KRABD1: variants seen among roughly 807,000 people sequenced by gnomAD.
KRABD1 encodes KRAB domain containing 1.
chr3:42,941,489 G>A, the KRABD1 span: 1 of 918,874 alleles, frequency 1.1e-6, no homozygotes, highest in Non-Finnish European at 1.6e-6. Context: ...CTTGCGAAAG[G>A]CTTTCCTTCT....
the KRABD1 span, chr3:42,938,530 A>G: frequency 3.5e-5 from 7 of 197,194 alleles, no homozygotes; most frequent in Admixed American, 3.1e-4. Flanking sequence ...TAGAATTCCA[A>G]CTTTCTTTTC....
the KRABD1 span, chr3:42,941,169 A>G: frequency 6.6e-7 from 1 of 1,511,128 alleles, no homozygotes; most frequent in Non-Finnish European, 8.9e-7. Flanking sequence ...TCTCATTGGC[A>G]GATTTGACCA....
At chr3:42,941,272 A>T in the KRABD1 span, 10 of 1,590,698 alleles carry the variant, frequency 6.3e-6, no homozygotes, top group African/African-American at 1.1e-4. Context: ...ACTACGAAGG[A>T]ATGGGCCATC....
the KRABD1 span, chr3:42,941,867 A>G: frequency 1.3e-6 from 1 of 768,474 alleles, no homozygotes; most frequent in East Asian, 2.7e-5. Flanking sequence ...TACTCTCCTC[A>G]CCTCCCTTGC....
At chr3:42,942,575 A>G in the KRABD1 span, 1 of 1,427,504 alleles carries the variant, frequency 7.0e-7, no homozygotes, top group Non-Finnish European at 9.3e-7. Context: ...ACTTAGCTAA[A>G]GCAGTGTTAC....
At chr3:42,941,079 A>G in the KRABD1 span, 1 of 601,348 alleles carries the variant, frequency 1.7e-6, no homozygotes, top group Non-Finnish European at 2.6e-6. Context: ...CTCCACACCT[A>G]AATTTTACAC....
the KRABD1 span, chr3:42,938,962 T>A: frequency 1.7e-5 from 25 of 1,505,394 alleles, no homozygotes; most frequent in South Asian, 6.1e-5. Context: ...TCTGTACATA[T>A]CCCTGTGTGT....
At chr3:42,940,284 ATATGTCTGTG>A in the KRABD1 span, among the ~76,000 whole-genome samples, 1 of 152,194 alleles carries the variant, frequency 6.6e-6, no homozygotes, top group African/African-American at 2.4e-5. Flanking sequence ...TGGTGAACAT[ATATGTCTGTG>A]TCTGTTTTTA....
chr3:42,939,644 T>G, the KRABD1 span, among the ~76,000 whole-genome samples: 3 of 152,152 alleles, frequency 2.0e-5, no homozygotes, highest in Non-Finnish European at 4.4e-5. Context: ...GCCCAACAAT[T>G]TTCCAAAATG....
the KRABD1 span, chr3:42,938,249 C>T: frequency 6.6e-6 from 1 of 152,200 alleles, no homozygotes; most frequent in Admixed American, 6.5e-5. Context: ...CCACTCCAAA[C>T]ACCTTTATAA....
At chr3:42,938,896 A>G in the KRABD1 span, 1 of 1,532,480 alleles carries the variant, frequency 6.5e-7, no homozygotes, top group Non-Finnish European at 8.7e-7. Flanking sequence ...AAGAGGTCAG[A>G]TGATGACAGC....
chr3:42,942,754 G>A, the KRABD1 span: 4 of 405,026 alleles, frequency 9.9e-6, no homozygotes, highest in Non-Finnish European at 1.7e-5. Context: ...TAGATTTAAT[G>A]TTTTTCATTC....
At chr3:42,942,600 A>C in the KRABD1 span, 1 of 1,449,972 alleles carries the variant, frequency 6.9e-7, no homozygotes. Context: ...AATAGTATCA[A>C]AAATTTTTCG....
At chr3:42,939,767 C>A in the KRABD1 span, among the ~76,000 whole-genome samples, 2 of 152,146 alleles carry the variant, frequency 1.3e-5, no homozygotes, top group African/African-American at 4.8e-5. Context: ...CTTCTCATCT[C>A]TAGTAAGCAG....
chr3:42,940,742 C>T, the KRABD1 span, among the ~76,000 whole-genome samples: 2 of 152,080 alleles, frequency 1.3e-5, no homozygotes, highest in African/African-American at 2.4e-5. Context: ...GAGCTTTGTG[C>T]TTGGGGTAGT....
At chr3:42,940,376 G>A in the KRABD1 span, among the ~76,000 whole-genome samples, 1 of 152,166 alleles carries the variant, frequency 6.6e-6, no homozygotes, top group Non-Finnish European at 1.5e-5. Flanking sequence ...CTGTTGGTGA[G>A]TTACATGGAA....
At chr3:42,938,951 C>T in the KRABD1 span, 5 of 1,524,354 alleles carry the variant, frequency 3.3e-6, no homozygotes, top group African/African-American at 4.1e-5. Context: ...TTTTTTCTAT[C>T]TCTGTACATA....
At chr3:42,939,192 C>T in the KRABD1 span, among the ~76,000 whole-genome samples, 1 of 152,062 alleles carries the variant, frequency 6.6e-6, no homozygotes, top group Non-Finnish European at 1.5e-5. Context: ...TTATTAGCAC[C>T]CCAAAAGGCC....
the KRABD1 span, chr3:42,942,659 T>A: frequency 9.6e-7 from 1 of 1,042,688 alleles, no homozygotes; most frequent in Non-Finnish European, 1.3e-6. Flanking sequence ...TCTTGACATT[T>A]AAATACCAGT....
Sources: allele counts gnomAD v4.1 joint callset (sites outside exome capture counted in the v4.1 genomes callset), GRCh38; gene constraint gnomAD v4.1.1; transcripts MANE v1.5; gene names NCBI Gene and HGNC (gene_info 2026-07-23, HGNC 2026-07-21).